FGF13: variants seen among roughly 807,000 people sequenced by gnomAD.
FGF13 encodes the protein fibroblast growth factor homologous factor 2.
A neutral mutation model predicts 19.5 loss-of-function variants in FGF13; 2 were observed. That is an observed-to-expected ratio of 0.10 (90% confidence interval 0.04 to 0.32). The LOEUF (loss-of-function observed/expected upper bound fraction) is 0.32. FGF13 is among the 10% of genes least tolerant of loss of function. FGF13 has a pLI of 1.00. For synonymous variants in FGF13, 72 were observed against 76.9 expected (o/e 0.94, Z 0.33); for missense variants, 113 against 192.7 (o/e 0.59, Z 2.45).
chrX:138,731,478 A>G (rs1182474922), intron 1 of FGF13, among the ~76,000 whole-genome samples: 1 of 110,379 alleles, frequency 9.1e-6, no homozygotes, highest in Non-Finnish European at 1.9e-5. Flanking sequence ...AGAAGGTTAG[A>G]AAATAGGTTG....
chrX:139,028,083 A>C (rs1195447442), intron 1 of FGF13, among the ~76,000 whole-genome samples: 1 of 111,841 alleles, frequency 8.9e-6, no homozygotes, highest in African/African-American at 3.2e-5. Flanking sequence ...CTTGTCTAGG[A>C]GTAAGTAAGC....
intron 3 of FGF13, among the ~76,000 whole-genome samples, chrX:138,822,615 A>G (rs752642566): frequency 8.9e-6 from 1 of 112,391 alleles, no homozygotes; most frequent in African/African-American, 3.2e-5. Flanking sequence ...TGAAACTTAC[A>G]AAGAGCTGCA....
At chrX:139,129,035 G>T (rs1047339645) in intron 1 of FGF13, among the ~76,000 whole-genome samples, 4 of 107,435 alleles carry the variant, frequency 3.7e-5, no homozygotes, top group African/African-American at 1.4e-4. Flanking sequence ...GGTGGGGGAG[G>T]GGGGAGCTCC....
chrX:139,007,658 A>G (rs2092108791), intron 1 of FGF13, among the ~76,000 whole-genome samples: 1 of 112,491 alleles, frequency 8.9e-6, no homozygotes, highest in African/African-American at 3.2e-5. Context: ...GTGGTGGTCT[A>G]TAGAGATTAA....
At position 138,708,941 on chromosome X, in the gene FGF13, C is replaced by A; in HGVS notation, c.188-13G>T. On this transcript the variant is annotated splice_polypyrimidine_tract_variant and intron_variant, in intron 1 of 4. Coordinates refer to ENST00000315930, the MANE Select transcript of FGF13 (RefSeq NM_004114.5). Reference sequence around the variant, plus strand: ...TTAAGCTGAGGCTCTGCAAAGAGAACAATGATTTGGATCAATTGATAAATT... The same window carrying A: ...TTAAGCTGAGGCTCTGCAAAGAGAAAAATGATTTGGATCAATTGATAAATT... 9.7e-7 allele frequency: 1 copy of A among 1,033,224 alleles called. No homozygotes were observed. Among genetic ancestry groups the A allele is most frequent in the Non-Finnish European group, 1.3e-6 (1 of 743,221 alleles). 85.1% of individuals were successfully genotyped at this position (1,033,224 alleles called of 1,213,427 possible). A position where few individuals can be genotyped will look rare whatever the true frequency, so the allele number is the denominator to read the frequency against.
chrX:138,710,404 A>T (rs779734250), intron 1 of FGF13, among the ~76,000 whole-genome samples: 161 of 111,334 alleles, frequency 1.4e-3, no homozygotes, highest in Non-Finnish European at 2.7e-3. Context: ...TGAGGCAGAG[A>T]TAAAAGCAAG....
At chrX:139,182,122 A>G (rs966375103) in intron 1 of FGF13, among the ~76,000 whole-genome samples, 1 of 111,815 alleles carries the variant, frequency 8.9e-6, no homozygotes, top group Non-Finnish European at 1.9e-5. Flanking sequence ...TGTGTTGTAT[A>G]TATTAACTGA....
At chrX:138,693,380 C>T (rs181998237) in intron 3 of FGF13, among the ~76,000 whole-genome samples, 1 of 111,731 alleles carries the variant, frequency 9.0e-6, no homozygotes, top group East Asian at 2.8e-4. Flanking sequence ...CTCTTTAAAA[C>T]ATAAAATCTA....
intron 3 of FGF13, among the ~76,000 whole-genome samples, chrX:138,759,092 C>T (rs927813163): frequency 3.6e-5 from 4 of 112,187 alleles, no homozygotes; most frequent in Non-Finnish European, 7.5e-5. Context: ...CATTTGGTTT[C>T]CATTGCAGGT....
intron 1 of FGF13, among the ~76,000 whole-genome samples, chrX:138,889,175 G>C (rs1430671034): frequency 9.0e-6 from 1 of 111,638 alleles, no homozygotes; most frequent in African/African-American, 3.3e-5. Context: ...TGGGGTGTAG[G>C]GGGAGAGAAA....
chrX:139,039,700 C>T (rs777800580), intron 1 of FGF13, among the ~76,000 whole-genome samples: 27 of 110,953 alleles, frequency 2.4e-4, no homozygotes, highest in Non-Finnish European at 4.5e-4. Flanking sequence ...TTCTAATTAC[C>T]GGGATTGAAG....
intron 1 of FGF13, among the ~76,000 whole-genome samples, chrX:139,066,595 G>A (rs1017964533): frequency 9.0e-6 from 1 of 111,139 alleles, no homozygotes; most frequent in Non-Finnish European, 1.9e-5. Flanking sequence ...TTGAATCCCT[G>A]AATAGACCAG....
chrX:138,810,367 G>A (rs1407724613), intron 3 of FGF13, among the ~76,000 whole-genome samples: 2 of 111,518 alleles, frequency 1.8e-5, no homozygotes, highest in South Asian at 7.7e-4. Context: ...TTAATAAATG[G>A]TGCTGGGAAA....
chrX:138,750,868 T>G (rs184047331), intron 3 of FGF13, among the ~76,000 whole-genome samples: 3 of 110,862 alleles, frequency 2.7e-5, no homozygotes, highest in African/African-American at 9.8e-5. Context: ...TAGAGCAAGA[T>G]TAGAAGAAGG....
At chrX:138,911,922 G>A (rs993534392) in intron 1 of FGF13, among the ~76,000 whole-genome samples, 1 of 111,902 alleles carries the variant, frequency 8.9e-6, no homozygotes, top group African/African-American at 3.2e-5. Flanking sequence ...AATACATATC[G>A]TAACAGAATA....
intron 3 of FGF13, among the ~76,000 whole-genome samples, chrX:138,840,350 G>A (rs146120596): frequency 0.013 from 1,398 of 111,469 alleles, 27 homozygotes; most frequent in African/African-American, 0.042. Flanking sequence ...CAAACATCCC[G>A]CCATGGTACC....
At chrX:138,781,288 C>A (rs1450375610) in intron 3 of FGF13, among the ~76,000 whole-genome samples, 4 of 108,656 alleles carry the variant, frequency 3.7e-5, no homozygotes, top group African/African-American at 1.4e-4. Flanking sequence ...CATTCAAAAG[C>A]TAGCAGAAGG....
chrX:138,732,229 A>G (rs545275467), intron 1 of FGF13, among the ~76,000 whole-genome samples: 1 of 111,969 alleles, frequency 8.9e-6, no homozygotes, highest in East Asian at 2.8e-4. Context: ...CAATAATTTC[A>G]CTGCTAGGTT....
chrX:138,825,273 G>A (rs1438100207), intron 3 of FGF13, among the ~76,000 whole-genome samples: 2 of 111,445 alleles, frequency 1.8e-5, no homozygotes, highest in Non-Finnish European at 3.8e-5. Context: ...AGGTGACCTT[G>A]GGCAAGTAAA....
Sources: gnomAD v4.1 joint callset for allele counts (sites outside exome capture counted in the v4.1 genomes callset) on GRCh38, gnomAD v4.1.1 for gene constraint, MANE v1.5 for transcripts, NCBI Gene and HGNC (gene_info 2026-07-23, HGNC 2026-07-21) for gene names.